The following TDRD12 variants were observed in gnomAD, a reference collection of about 807,000 sequenced individuals.
The protein encoded by TDRD12 is tudor domain containing 12, also known as putative ATP-dependent RNA helicase TDRD12.
In TDRD12, 158 loss-of-function variants were observed where a neutral mutation model predicts 133.5. That is an observed-to-expected ratio of 1.18 (90% CI 1.04 to 1.35). The LOEUF (loss-of-function observed/expected upper bound fraction) is 1.35. TDRD12 is among the 40% of genes most tolerant of loss of function. The pLI is 0.00. For synonymous variants in TDRD12, 460 were observed against 477.9 expected, an observed-to-expected ratio of 0.96 and a Z score of 0.49; for missense variants, 1,443 against 1,321.3, an observed-to-expected ratio of 1.09 and a Z score of -1.43.
downstream of TDRD12, among the ~76,000 whole-genome samples, chr19:32,823,656 G>A (rs561160748): frequency 2.0e-5 from 3 of 152,166 alleles, no homozygotes; most frequent in Non-Finnish European, 4.4e-5. Flanking sequence ...TGGCCACAGC[G>A]GGGGGCAGCT....
chr19:32,793,534 G>C (rs577463134), intron 13 of TDRD12, among the ~76,000 whole-genome samples: 2 of 152,172 alleles, frequency 1.3e-5, no homozygotes, highest in Non-Finnish European at 2.9e-5. Flanking sequence ...TCATGGTGCC[G>C]ATGAGCTCGG....
At chr19:32,809,266 C>G (rs1330864438) in intron 22 of TDRD12, among the ~76,000 whole-genome samples, 1 of 152,164 alleles carries the variant, frequency 6.6e-6, no homozygotes, top group Non-Finnish European at 1.5e-5. Context: ...GGGGCTCCAG[C>G]CTTCACCCAC....
intron 4 of TDRD12, 74 bp downstream of exon 4, chr19:32,742,974 T>G: frequency 6.6e-7 from 1 of 1,522,920 alleles, no homozygotes; most frequent in Non-Finnish European, 8.8e-7. Context: ...TTGTATGAAG[T>G]CAGTTCCTCT....
intron 11 of TDRD12, among the ~76,000 whole-genome samples, chr19:32,779,383 G>C (rs765722968): frequency 1.3e-5 from 2 of 151,970 alleles, no homozygotes; most frequent in Non-Finnish European, 1.5e-5. Flanking sequence ...CTTTCTCCTC[G>C]GGCCTGTTCC....
downstream of TDRD12, among the ~76,000 whole-genome samples, chr19:32,822,363 C>A (rs1410832258): frequency 6.6e-6 from 1 of 152,164 alleles, no homozygotes; most frequent in Non-Finnish European, 1.5e-5. Flanking sequence ...ATCCAGGAGG[C>A]GGAGGTTGCA....
At chr19:32,803,467 C>T (rs1480886110) in intron 21 of TDRD12, among the ~76,000 whole-genome samples, 1 of 152,152 alleles carries the variant, frequency 6.6e-6, no homozygotes, top group African/African-American at 2.4e-5. Context: ...GCTCAGTGTT[C>T]TGTTGTATGG....
At chr19:32,779,207 C>T (rs547441228) in intron 11 of TDRD12, among the ~76,000 whole-genome samples, 106 of 152,328 alleles carry the variant, frequency 7.0e-4, no homozygotes, top group African/African-American at 2.2e-3. Flanking sequence ...ACTATGATAA[C>T]GACTGTCACA....
intron 2 of TDRD12, among the ~76,000 whole-genome samples, chr19:32,733,977 C>T (rs1220846429): frequency 6.6e-6 from 1 of 151,656 alleles, no homozygotes; most frequent in Non-Finnish European, 1.5e-5. Flanking sequence ...CTGGAAGCCC[C>T]ACCTCCCGGG....
intron 21 of TDRD12, 95 bp downstream of exon 21, chr19:32,803,237 C>A: frequency 1.1e-6 from 1 of 945,346 alleles, no homozygotes; most frequent in Non-Finnish European, 1.5e-6. Flanking sequence ...TATCTAGAAG[C>A]CACCACCCAC....
In TDRD12 at chr19:32,796,070, C is replaced by T. The variant is rs146928769; in HGVS notation, c.1473+1257C>T. On this transcript the variant is annotated intron_variant, in intron 14 of 27. Transcript: ENST00000444215. ...AAAGAGGTGGTGGGAAAGAGAGGAG[C>T]GGTGTGAAGGTAAATGATGCAGGGC... 830 of 691,524 alleles carry T rather than the reference C, an allele frequency of 1.2e-3. 4 individuals carry two copies. The African/African-American group carries it at 0.015, about 12-fold the overall frequency. The allele number at this position is 691,524 out of a possible 1,614,324, so 42.8% of individuals were successfully genotyped here.
intron 4 of TDRD12, among the ~76,000 whole-genome samples, chr19:32,744,499 CAAAAAAAAAAAA>C (rs10644749): frequency 4.3e-3 from 165 of 38,118 alleles, no homozygotes; most frequent in African/African-American, 0.016. Flanking sequence ...GACTCCGTCT[CAAAAAAAAAAAA>C]AAAAAAAAAA....
chr19:32,823,083 C>T (rs962573521), downstream of TDRD12, among the ~76,000 whole-genome samples: 4 of 152,158 alleles, frequency 2.6e-5, no homozygotes, highest in East Asian at 1.9e-4. Context: ...CCCAGGAGGG[C>T]GGGATAAGAT....
chr19:32,794,758 T>G, exon 14 of TDRD12: 1 of 703,452 alleles, frequency 1.4e-6, no homozygotes, highest in Non-Finnish European at 2.6e-6. Flanking sequence ...CTCCTACCAG[T>G]GTTGACAGTT....
At chr19:32,732,014 T>G in intron 2 of TDRD12, 131 bp downstream of exon 2, 1 of 947,178 alleles carries the variant, frequency 1.1e-6, no homozygotes. Context: ...TGTGTTAGGT[T>G]TTTTTTTGAG....
exon 10 of TDRD12, chr19:32,827,299 A>AAAAATG (rs1967622378): frequency 8.4e-7 from 1 of 1,192,582 alleles, no homozygotes; most frequent in Non-Finnish European, 1.0e-6. Flanking sequence ...GATGTTGAAC[A>AAAAATG]AAAATGGATA....
downstream of TDRD12, chr19:32,826,188 G>C (rs759846387): frequency 5.9e-6 from 9 of 1,531,852 alleles, no homozygotes; most frequent in South Asian, 1.2e-5. Flanking sequence ...TGGAGGAGTC[G>C]GCGTCCCTTA....
intron 8 of TDRD12, among the ~76,000 whole-genome samples, chr19:32,763,887 C>T (rs1343990162): frequency 1.3e-5 from 2 of 152,250 alleles, no homozygotes; most frequent in African/African-American, 4.8e-5. Context: ...AGTGCTGGGG[C>T]AACAGTTTGC....
chr19:32,766,105 G>T (rs563229584), intron 8 of TDRD12, among the ~76,000 whole-genome samples: 138 of 152,082 alleles, frequency 9.1e-4, no homozygotes, highest in African/African-American at 3.3e-3. Flanking sequence ...ACCTATTTGT[G>T]CCTTTATATT....
At chr19:32,815,210 C>T (rs1174686624) in intron 25 of TDRD12, among the ~76,000 whole-genome samples, 1 of 151,940 alleles carries the variant, frequency 6.6e-6, no homozygotes, top group Non-Finnish European at 1.5e-5. Context: ...CTCTTGCCAC[C>T]CCCCCACCAC....
Sources: gnomAD v4.1 joint callset for allele counts (sites outside exome capture counted in the v4.1 genomes callset) on GRCh38, gnomAD v4.1.1 for gene constraint, MANE v1.5 for transcripts, NCBI Gene and HGNC (gene_info 2026-07-23, HGNC 2026-07-21) for gene names.